Variants in CCDC170 observed in about 807,000 individuals in gnomAD.
The protein encoded by CCDC170 is coiled-coil domain containing 170, also known as coiled-coil domain-containing protein 170.
In CCDC170, 69 loss-of-function variants were observed where a neutral mutation model predicts 72.6. The observed-to-expected ratio is 0.95, with a 90% CI of 0.78 to 1.16. The LOEUF is 1.16. Ranked by LOEUF, CCDC170 falls within the 50% of genes most tolerant of loss-of-function variation. The probability of loss-of-function intolerance (pLI) is 0.00; values close to 1 mark genes in which losing one functional copy is unlikely to be tolerated. For synonymous variants in CCDC170, 300 were observed against 303.9 expected (o/e 0.99, Z 0.13); for missense variants, 852 against 832.5 (o/e 1.02, Z -0.29).
intron 1 of CCDC170, among the ~76,000 whole-genome samples, chr6:151,531,587 A>T (rs748551986): frequency 2.0e-5 from 3 of 152,218 alleles, no homozygotes; most frequent in Non-Finnish European, 2.9e-5. Flanking sequence ...ATACATTCCT[A>T]TGAAAGTTAG....
intron 5 of CCDC170, among the ~76,000 whole-genome samples, chr6:151,560,501 G>A (rs1319209386): frequency 6.6e-6 from 1 of 152,142 alleles, no homozygotes; most frequent in Non-Finnish European, 1.5e-5. Context: ...TCCGGTTTAA[G>A]TCCAGACCTT....
intron 2 of CCDC170, among the ~76,000 whole-genome samples, chr6:151,537,025 T>A (rs1052937930): frequency 6.6e-6 from 1 of 152,104 alleles, no homozygotes; most frequent in African/African-American, 2.4e-5. Context: ...AGATGTTAAG[T>A]AAAGCTCCAT....
chr6:151,499,068 C>T (rs867965968), intron 1 of CCDC170, among the ~76,000 whole-genome samples: 1 of 139,214 alleles, frequency 7.2e-6, no homozygotes, highest in Non-Finnish European at 1.5e-5. Flanking sequence ...TCTAGGCACT[C>T]TGTATAAGTG....
intron 1 of CCDC170, among the ~76,000 whole-genome samples, chr6:151,496,063 G>GT (rs1422724545): frequency 3.3e-5 from 5 of 151,550 alleles, no homozygotes; most frequent in Non-Finnish European, 7.4e-5. Flanking sequence ...TTTTTTGTTT[G>GT]TTTTTTTGTT....
At chr6:151,596,812 A>T (rs1409052324) in intron 9 of CCDC170, among the ~76,000 whole-genome samples, 1 of 152,172 alleles carries the variant, frequency 6.6e-6, no homozygotes, top group Non-Finnish European at 1.5e-5. Flanking sequence ...TCAGTCAAAA[A>T]GTGGTGATGT....
intron 8 of CCDC170, 83 bp from the exon 9 acceptor site, chr6:151,596,252 G>A: frequency 1.5e-6 from 2 of 1,362,680 alleles, no homozygotes; most frequent in Non-Finnish European, 1.9e-6. Context: ...GGTGTAGATA[G>A]AGATCAACAT....
intron 1 of CCDC170, among the ~76,000 whole-genome samples, chr6:151,506,602 A>G (rs1186687664): frequency 1.3e-5 from 2 of 152,236 alleles, no homozygotes; most frequent in Non-Finnish European, 2.9e-5. Context: ...GGATATTTGC[A>G]TGAAGATTTT....
At chr6:151,601,426 G>A (rs1027989885) in intron 9 of CCDC170, among the ~76,000 whole-genome samples, 3 of 152,082 alleles carry the variant, frequency 2.0e-5, no homozygotes, top group African/African-American at 7.2e-5. Flanking sequence ...TTCATCCCAT[G>A]TTGTACCATG....
At chr6:151,533,052 C>CTTTTTTTT (rs58383930) in intron 1 of CCDC170, among the ~76,000 whole-genome samples, 1 of 118,042 alleles carries the variant, frequency 8.5e-6, no homozygotes, top group African/African-American at 3.4e-5. Context: ...GACTATTTCT[C>CTTTTTTTT]TTTTTTTTTT....
chr6:151,593,806 A>T (rs1776580447), intron 8 of CCDC170, among the ~76,000 whole-genome samples: 1 of 152,250 alleles, frequency 6.6e-6, no homozygotes, highest in Non-Finnish European at 1.5e-5. Context: ...AGAATTTGCT[A>T]CATGAACTTT....
chr6:151,534,401 A>C (rs1562274023), intron 1 of CCDC170, among the ~76,000 whole-genome samples: 1 of 152,208 alleles, frequency 6.6e-6, no homozygotes, highest in East Asian at 1.9e-4. Flanking sequence ...ATTGAAAGAA[A>C]TAATCAAATA....
At position 151,540,984 on chromosome 6, in the gene CCDC170, A is replaced by G. The variant is rs80183256; in HGVS notation, c.443+2683A>G. 9.9e-3 allele frequency among the ~76,000 whole-genome samples: 1,504 copies of G among 152,268 alleles called. 30 individuals are homozygous for G. Among genetic ancestry groups the G allele is most frequent in the Admixed American group, 0.033 (504 of 15,292 alleles). On this transcript the variant is annotated intron_variant, in intron 3 of 10. Transcript: ENST00000239374. ...ATTCAGGGTAAAGACAGTGTTTTCT[A>G]TGAGCCAAAAGGCTCATCCTGACCT... is the stretch of plus-strand genomic sequence containing the variant.
At chr6:151,603,848 G>A (rs971518301) in intron 9 of CCDC170, among the ~76,000 whole-genome samples, 3 of 152,202 alleles carry the variant, frequency 2.0e-5, no homozygotes, top group African/African-American at 7.2e-5. Context: ...TTCCAGGAAT[G>A]ATACAACACT....
At chr6:151,577,155 C>T (rs1776313313) in intron 6 of CCDC170, among the ~76,000 whole-genome samples, 1 of 152,134 alleles carries the variant, frequency 6.6e-6, no homozygotes, top group East Asian at 1.9e-4. Flanking sequence ...GAACTATTGA[C>T]ATTTTGGACT....
At position 151,494,037 on chromosome 6, in the gene CCDC170, G is replaced by A. The variant is rs1426210623; in HGVS notation, c.-92G>A. ...TCCCCGCGGTGTTTACCCGTTGCCC[G>A]AGGAGACACCCGCGCCACCCGCCGG... is the stretch of plus-strand genomic sequence containing the variant. On this transcript the variant is annotated 5_prime_UTR_variant, in exon 1 of 11. Coordinates refer to ENST00000239374, the MANE Select transcript of CCDC170 (RefSeq NM_025059.4). 1.8e-5 allele frequency: 23 copies of A among 1,279,958 alleles called. No individual in the cohort carries two copies. The South Asian group carries it at 1.9e-4, about 10-fold the overall frequency. 79.3% of individuals were successfully genotyped at this position (1,279,958 alleles called of 1,614,324 possible). A position where few individuals can be genotyped will look rare whatever the true frequency, so the allele number is the denominator to read the frequency against.
intron 9 of CCDC170, among the ~76,000 whole-genome samples, chr6:151,601,415 G>T (rs1234590943): frequency 1.3e-5 from 2 of 152,010 alleles, no homozygotes; most frequent in Admixed American, 6.6e-5. Context: ...TATTTTCAAG[G>T]TTCATCCCAT....
chr6:151,602,910 C>T (rs1304585202), intron 9 of CCDC170, among the ~76,000 whole-genome samples: 1 of 151,936 alleles, frequency 6.6e-6, no homozygotes, highest in Non-Finnish European at 1.5e-5. Flanking sequence ...AAGCGATTCT[C>T]CTGCTTCAGC....
intron 2 of CCDC170, 128 bp from the exon 3 acceptor site, chr6:151,537,917 A>G (rs1240317673): frequency 2.2e-6 from 2 of 927,830 alleles, no homozygotes; most frequent in Non-Finnish European, 3.1e-6. Context: ...ATATTAGAAA[A>G]AAAATAAAGT....
At chr6:151,511,103 C>G (rs1415833188) in intron 1 of CCDC170, among the ~76,000 whole-genome samples, 1 of 152,178 alleles carries the variant, frequency 6.6e-6, no homozygotes. Context: ...ATGAACAATT[C>G]ATGGCTTTGC....
Sources: gnomAD v4.1 joint callset for allele counts (sites outside exome capture counted in the v4.1 genomes callset) on GRCh38, gnomAD v4.1.1 for gene constraint, MANE v1.5 for transcripts, NCBI Gene and HGNC (gene_info 2026-07-23, HGNC 2026-07-21) for gene names.